ITSN1: variants seen among roughly 807,000 people sequenced by gnomAD.
ITSN1 encodes the protein intersectin 1.
A neutral mutation model predicts 239.8 loss-of-function variants in ITSN1; 58 were observed. The observed-to-expected ratio is 0.24, with a 90% confidence interval of 0.20 to 0.30. ITSN1 has a LOEUF of 0.30. ITSN1 is among the 10% of genes least tolerant of loss of function. ITSN1 has a pLI of 1.00. For missense variants in ITSN1, 1,558 were observed against 2,103.3 expected, an observed-to-expected ratio of 0.74 and a Z score of 5.07; for synonymous variants, 780 against 770.8, an observed-to-expected ratio of 1.01 and a Z score of -0.20.
At chr21:33,876,455 C>T (rs1353037834) in intron 34 of ITSN1, among the ~76,000 whole-genome samples, 2 of 152,190 alleles carry the variant, frequency 1.3e-5, no homozygotes, top group East Asian at 3.8e-4. Flanking sequence ...GCCTGGACCA[C>T]CTGAGCTCAA....
intron 27 of ITSN1, among the ~76,000 whole-genome samples, chr21:33,832,778 CTG>C (rs1454398063): frequency 6.6e-6 from 1 of 152,154 alleles, no homozygotes; most frequent in Non-Finnish European, 1.5e-5. Flanking sequence ...GAAACCTGCT[CTG>C]TGTTCTGAAA....
intron 8 of ITSN1, 68 bp downstream of exon 8, chr21:33,755,465 G>T (rs753239054): frequency 1.2e-6 from 1 of 837,866 alleles, no homozygotes. Flanking sequence ...TAGATATTGG[G>T]TCATAGATAT....
At chr21:33,753,272 G>A (rs747609530) in intron 7 of ITSN1, among the ~76,000 whole-genome samples, 1 of 152,160 alleles carries the variant, frequency 6.6e-6, no homozygotes, top group Non-Finnish European at 1.5e-5. Flanking sequence ...GCCTCAATAT[G>A]TATTGGGCAT....
chr21:33,821,496 A>G (rs2073672948), intron 24 of ITSN1, among the ~76,000 whole-genome samples: 1 of 152,348 alleles, frequency 6.6e-6, no homozygotes. Context: ...CTTTTAAAAT[A>G]TTTAAAATAT....
chr21:33,860,288 C>G (rs1374475229), intron 31 of ITSN1, among the ~76,000 whole-genome samples: 6 of 143,002 alleles, frequency 4.2e-5, no homozygotes, highest in Non-Finnish European at 9.0e-5. Flanking sequence ...GCCTGGGCCA[C>G]GGGAGTGAAA....
intron 16 of ITSN1, among the ~76,000 whole-genome samples, chr21:33,790,193 A>G (rs913430936): frequency 1.3e-5 from 2 of 152,106 alleles, no homozygotes; most frequent in Non-Finnish European, 2.9e-5. Flanking sequence ...GCTGAAGCTT[A>G]TTCATGGAAC....
Position 33,875,504 on chromosome 21 carries a change from T to A in ITSN1, c.4324T>A (p.Cys1442Ser). The part of the protein sequence containing the change: ...RLEWIQAHVQ[C>S]EGLSEQLVFN... ...GGAGTGGATCCAGGCCCACGTGCAG[T>A]GTGAAGGCCTGTCTGAGGTAGCCAA... The change falls in exon 34 of 40, where the codon TGT (cysteine) becomes AGT (serine). Residue 1442 changes from cysteine (C) to serine (S), a missense_variant. By Grantham distance (112) the Cys-to-Ser change is moderately radical (BLOSUM62 -1). Coordinates refer to ENST00000381318, the MANE Select transcript of ITSN1 (RefSeq NM_003024.3). 1 of 1,613,944 alleles carries A rather than the reference T, an allele frequency of 6.2e-7. No homozygotes were observed. Among genetic ancestry groups the A allele is most frequent in the Non-Finnish European group, 8.5e-7 (1 of 1,179,892 alleles).
At chr21:33,675,045 A>G (rs1472496782) in intron 1 of ITSN1, among the ~76,000 whole-genome samples, 1 of 152,228 alleles carries the variant, frequency 6.6e-6, no homozygotes, top group Non-Finnish European at 1.5e-5. Context: ...GTATCTCTTC[A>G]TGTGAATATA....
At chr21:33,761,186 C>T (rs2068297441) in intron 8 of ITSN1, among the ~76,000 whole-genome samples, 1 of 152,046 alleles carries the variant, frequency 6.6e-6, no homozygotes, top group Non-Finnish European at 1.5e-5. Context: ...AGCGATCCTC[C>T]TACTTCAGCA....
intron 33 of ITSN1, among the ~76,000 whole-genome samples, chr21:33,867,638 TAAAAA>T (rs3057468): frequency 7.0e-6 from 1 of 142,806 alleles, no homozygotes; most frequent in Non-Finnish European, 1.5e-5. Flanking sequence ...CTATCTCTAT[TAAAAA>T]AAAAAAAAAA....
chr21:33,689,794 C>G (rs747274677), intron 1 of ITSN1, among the ~76,000 whole-genome samples: 27 of 151,848 alleles, frequency 1.8e-4, no homozygotes, highest in Non-Finnish European at 3.7e-4. Flanking sequence ...ATAGTGAAAC[C>G]CTGTCTCTAC....
chr21:33,673,712 C>G (rs544876774), intron 1 of ITSN1, among the ~76,000 whole-genome samples: 4 of 151,240 alleles, frequency 2.6e-5, no homozygotes, highest in African/African-American at 9.9e-5. Flanking sequence ...GCAGGCTTCT[C>G]AAGAGCAGCC....
intron 1 of ITSN1, among the ~76,000 whole-genome samples, chr21:33,655,528 C>CTCACTGCAAT (rs2088973396): frequency 6.6e-6 from 1 of 151,954 alleles, no homozygotes; most frequent in Non-Finnish European, 1.5e-5. Context: ...TCAAACAATC[C>CTCACTGCAAT]CCCCACCTCA....
chr21:33,822,610 G>C (rs973105376), intron 24 of ITSN1, among the ~76,000 whole-genome samples: 4 of 152,158 alleles, frequency 2.6e-5, no homozygotes, highest in African/African-American at 9.7e-5. Context: ...TCCACCAAGA[G>C]TGATGCAAAG....
chr21:33,833,831 C>G (rs2074439618), intron 27 of ITSN1, among the ~76,000 whole-genome samples: 1 of 149,156 alleles, frequency 6.7e-6, no homozygotes, highest in African/African-American at 2.5e-5. Flanking sequence ...GAGATCGTGC[C>G]ACTGCACTCC....
At chr21:33,704,809 C>T (rs1324430310) in intron 1 of ITSN1, among the ~76,000 whole-genome samples, 2 of 151,122 alleles carry the variant, frequency 1.3e-5, no homozygotes, top group Non-Finnish European at 2.9e-5. Flanking sequence ...ACAATCTTGG[C>T]CGGGCGCGGT....
chr21:33,672,693 A>G (rs1016330304), intron 1 of ITSN1, among the ~76,000 whole-genome samples: 5 of 152,106 alleles, frequency 3.3e-5, no homozygotes, highest in Admixed American at 1.3e-4. Context: ...CATTATTCCC[A>G]ATAGACAAGA....
At chr21:33,671,077 A>C (rs1480465912) in intron 1 of ITSN1, among the ~76,000 whole-genome samples, 1 of 152,200 alleles carries the variant, frequency 6.6e-6, no homozygotes, top group African/African-American at 2.4e-5. Context: ...CCCCTACATT[A>C]CTATCTAGAG....
rs897519765 is a variant in ITSN1, at chr21:33,778,857, C to T, written c.1597-2604C>T. Among the ~76,000 whole-genome samples the T allele has an allele frequency of 7.8e-5, 11 of 141,264 alleles. No individual in the cohort carries two copies. In the East Asian group the frequency reaches 9.7e-4, roughly 12 times the overall value. 92.7% of individuals were successfully genotyped at this position (141,264 alleles called of 152,430 possible). ...CCTCCCAAAGTGCTGGGATTACAGG[C>T]GTGAGCCACCGCGCCCGGCCTATAA... On this transcript the variant is annotated intron_variant, in intron 14 of 39. Coordinates refer to ENST00000381318, the MANE Select transcript of ITSN1 (RefSeq NM_003024.3).
Sources: gnomAD v4.1 joint callset for allele counts (sites outside exome capture counted in the v4.1 genomes callset) on GRCh38, gnomAD v4.1.1 for gene constraint, MANE v1.5 for transcripts, NCBI Gene and HGNC (gene_info 2026-07-23, HGNC 2026-07-21) for gene names.